The following FBXW11 variants were observed in gnomAD, a reference collection of about 807,000 sequenced individuals.
The protein encoded by FBXW11 is F-box and WD repeat domain containing 11.
In FBXW11, 19 loss-of-function variants were observed where a neutral mutation model predicts 77.6. The observed-to-expected ratio is 0.24, with a 90% CI of 0.17 to 0.36. The LOEUF (loss-of-function observed/expected upper bound fraction) is 0.36. Ranked by LOEUF, FBXW11 falls within the 10% of genes least tolerant of loss-of-function variation. The pLI, the probability that FBXW11 is intolerant of heterozygous loss-of-function variation, is 1.00. For synonymous variants in FBXW11, 235 were observed against 249.4 expected (o/e 0.94, Z 0.54); for missense variants, 334 against 704.2 (o/e 0.47, Z 5.95).
chr5:171,897,353 T>C (rs1411335732), intron 6 of FBXW11, among the ~76,000 whole-genome samples: 1 of 152,232 alleles, frequency 6.6e-6, no homozygotes, highest in Admixed American at 6.5e-5. Flanking sequence ...AGAAGACTTT[T>C]GTGGCCAACC....
At chr5:171,985,736 C>T (rs1446549452) in intron 1 of FBXW11, among the ~76,000 whole-genome samples, 1 of 152,158 alleles carries the variant, frequency 6.6e-6, no homozygotes, top group Non-Finnish European at 1.5e-5. Flanking sequence ...CTCTGCACCA[C>T]TTCAGTCTGG....
chr5:171,949,940 A>G (rs529684535), intron 2 of FBXW11, among the ~76,000 whole-genome samples: 2 of 152,280 alleles, frequency 1.3e-5, no homozygotes, highest in African/African-American at 4.8e-5. Flanking sequence ...AAATGTGCAC[A>G]CTGTCTTACC....
At chr5:171,983,706 C>A (rs537034020) in intron 1 of FBXW11, among the ~76,000 whole-genome samples, 5 of 152,252 alleles carry the variant, frequency 3.3e-5, no homozygotes, top group African/African-American at 4.8e-5. Context: ...GGTTTGAGAG[C>A]AGAGGAAAAA....
intron 2 of FBXW11, among the ~76,000 whole-genome samples, chr5:171,933,866 T>C (rs1297170547): frequency 6.6e-6 from 1 of 151,686 alleles, no homozygotes; most frequent in African/African-American, 2.4e-5. Flanking sequence ...AAAAAAACTA[T>C]ACAGGGAAAA....
intron 2 of FBXW11, among the ~76,000 whole-genome samples, chr5:171,927,983 G>T (rs148421461): frequency 6.6e-6 from 1 of 152,074 alleles, no homozygotes; most frequent in South Asian, 2.1e-4. Context: ...TTTCTTCACC[G>T]ATCAGCAAGG....
intron 1 of FBXW11, among the ~76,000 whole-genome samples, chr5:172,001,216 T>C (rs777384231): frequency 6.6e-6 from 1 of 152,212 alleles, no homozygotes; most frequent in Non-Finnish European, 1.5e-5. Context: ...TAAATCCATA[T>C]TGAGCACCCA....
intron 2 of FBXW11, among the ~76,000 whole-genome samples, chr5:171,952,936 C>A (rs960913512): frequency 6.6e-6 from 1 of 151,552 alleles, no homozygotes; most frequent in African/African-American, 2.4e-5. Flanking sequence ...CAAGACAATT[C>A]TTCTTCCAAT....
Position 171,862,065 on chromosome 5 carries a change from T to TATTAAACA in FBXW11, c.*2054_*2061dup, listed in dbSNP as rs1166696431. Reference sequence around the variant, plus strand: ...TCCCAAGGAACGAGGGGAACTTCTATATTAAACATGCAAAAACAACAAAAA... The same window carrying TATTAAACA: ...TCCCAAGGAACGAGGGGAACTTCTATATTAAACAATTAAACATGCAAAAACAACAAAAA... On this transcript the variant is annotated 3_prime_UTR_variant, in exon 14 of 14. Transcript: ENST00000517395. 6.6e-6 allele frequency: 1 copy of TATTAAACA among 152,634 alleles called. No individual in the cohort carries two copies. Among genetic ancestry groups the TATTAAACA allele is most frequent in the Non-Finnish European group, 1.5e-5 (1 of 68,046 alleles). 9.5% of individuals were successfully genotyped at this position (152,634 alleles called of 1,614,324 possible).
intron 13 of FBXW11, among the ~76,000 whole-genome samples, chr5:171,867,456 A>G (rs1288169676): frequency 6.8e-6 from 1 of 148,032 alleles, no homozygotes; most frequent in African/African-American, 2.5e-5. Flanking sequence ...TGGAGACAGG[A>G]AAAAAAAAAA....
intron 2 of FBXW11, among the ~76,000 whole-genome samples, chr5:171,916,136 G>GT (rs1761227136): frequency 6.6e-6 from 1 of 151,226 alleles, no homozygotes; most frequent in Non-Finnish European, 1.5e-5. Flanking sequence ...TATACCTAAT[G>GT]TAAATGACGA....
chr5:171,995,254 G>C (rs925829818), intron 1 of FBXW11, among the ~76,000 whole-genome samples: 1 of 152,140 alleles, frequency 6.6e-6, no homozygotes, highest in East Asian at 1.9e-4. Context: ...AATAAATACT[G>C]AGGAGGAACT....
At chr5:172,000,863 A>G (rs1766372631) in intron 1 of FBXW11, among the ~76,000 whole-genome samples, 1 of 152,176 alleles carries the variant, frequency 6.6e-6, no homozygotes, top group African/African-American at 2.4e-5. Flanking sequence ...TTTCACTTCA[A>G]AGCCCATGCC....
chr5:171,984,255 G>A (rs561307766), intron 1 of FBXW11, among the ~76,000 whole-genome samples: 10 of 152,322 alleles, frequency 6.6e-5, no homozygotes, highest in African/African-American at 2.4e-4. Context: ...ACGATGTGCT[G>A]TGCACACATG....
chr5:171,989,272 T>C (rs1224576736), intron 1 of FBXW11, among the ~76,000 whole-genome samples: 1 of 152,260 alleles, frequency 6.6e-6, no homozygotes, highest in East Asian at 1.9e-4. Flanking sequence ...AAGGCTGTAA[T>C]GAAACAGGGT....
At chr5:171,989,999 C>A (rs772410484) in intron 1 of FBXW11, among the ~76,000 whole-genome samples, 41 of 152,066 alleles carry the variant, frequency 2.7e-4, no homozygotes, top group Admixed American at 6.6e-4. Context: ...TTAGGAGATA[C>A]ATGCTGAAAA....
rs116433407 is a variant in FBXW11, at chr5:171,882,584, C to T, written c.853-4455G>A. On this transcript the variant is annotated intron_variant, in intron 7 of 13. Transcript: ENST00000517395. ...CCTCCCAAAGTGTAGGGATTACAGA[C>T]GTGAACCACTGTGCCCAGCCTCAAA... Among the ~76,000 whole-genome samples, 1,037 of 152,242 alleles carry T rather than the reference C, an allele frequency of 6.8e-3. 13 individuals carry two copies. The highest frequency in any genetic ancestry group is 0.023 in the African/African-American group (965 of 41,552).
chr5:171,901,786 G>A (rs369333140), intron 4 of FBXW11, among the ~76,000 whole-genome samples: 20 of 152,224 alleles, frequency 1.3e-4, no homozygotes, highest in Admixed American at 4.6e-4. Flanking sequence ...AGCTTTGTGC[G>A]GTTTATATTT....
chr5:171,976,322 A>T (rs935215246), intron 1 of FBXW11, among the ~76,000 whole-genome samples: 1 of 152,204 alleles, frequency 6.6e-6, no homozygotes, highest in East Asian at 1.9e-4. Flanking sequence ...GAAAACACCA[A>T]GAGTTTAAGT....
At chr5:171,902,711 T>A (rs1760210899) in intron 4 of FBXW11, among the ~76,000 whole-genome samples, 2 of 152,242 alleles carry the variant, frequency 1.3e-5, no homozygotes. Context: ...TAGTTCTGCA[T>A]ACTGATTTTC....
Sources: allele counts gnomAD v4.1 joint callset (sites outside exome capture counted in the v4.1 genomes callset), GRCh38; gene constraint gnomAD v4.1.1; transcripts MANE v1.5; gene names NCBI Gene and HGNC (gene_info 2026-07-23, HGNC 2026-07-21).